The following NRSN1 variants were observed in gnomAD, a reference collection of about 807,000 sequenced individuals.
The protein encoded by NRSN1 is neurensin-1.
A neutral mutation model predicts 17.3 loss-of-function variants in NRSN1; 14 were observed. That is an observed-to-expected ratio of 0.81 (90% CI 0.54 to 1.27). The LOEUF (loss-of-function observed/expected upper bound fraction) is 1.27, where lower values mean the gene tolerates loss of function less well. NRSN1 is among the 50% of genes most tolerant of loss of function. The pLI, the probability that NRSN1 is intolerant of heterozygous loss-of-function variation, is 0.00. For missense variants in NRSN1, 209 were observed against 235.9 expected (o/e 0.89, Z 0.75); for synonymous variants, 79 against 94.2 (o/e 0.84, Z 0.93).
chr6:24,141,362 C>T (rs1056430695), intron 3 of NRSN1: 4 of 710,374 alleles, frequency 5.6e-6, no homozygotes, highest in Non-Finnish European at 7.6e-6. Flanking sequence ...TGAGTCCCAA[C>T]TGCTCTCCTC....
chr6:24,143,788 C>A (rs1760258501), intron 3 of NRSN1, among the ~76,000 whole-genome samples: 1 of 152,150 alleles, frequency 6.6e-6, no homozygotes, highest in East Asian at 1.9e-4. Flanking sequence ...TTGCCAGATA[C>A]AATGTATAAC....
rs1014366490 is a variant in NRSN1 at position 24,140,804 on chromosome 6, T to C, written c.190-4744T>C. ...GCATTTTCAGGCCTCATCAGCTCACTGGGAAACAATGAAAGGATGTTGGTC... is the reference window on the plus strand; with the variant it reads ...GCATTTTCAGGCCTCATCAGCTCACCGGGAAACAATGAAAGGATGTTGGTC... On this transcript the variant is annotated intron_variant, in intron 3 of 3. Transcript: ENST00000378491. 13 of 1,245,088 alleles carry C rather than the reference T, an allele frequency of 1.0e-5. No individual in the cohort carries two copies. In the African/African-American group the frequency reaches 1.7e-4, roughly 16 times the overall value. The allele number at this position is 1,245,088 out of a possible 1,614,324, so 77.1% of individuals were successfully genotyped here.
intron 3 of NRSN1, among the ~76,000 whole-genome samples, chr6:24,142,949 C>A (rs1760239517): frequency 6.6e-6 from 1 of 152,104 alleles, no homozygotes; most frequent in Non-Finnish European, 1.5e-5. Context: ...TTACAGAATG[C>A]TGATTGGTCC....
chr6:24,140,733 A>G (rs1760190434), intron 3 of NRSN1, among the ~76,000 whole-genome samples: 1 of 152,168 alleles, frequency 6.6e-6, no homozygotes, highest in African/African-American at 2.4e-5. Flanking sequence ...CTCTGCCAGA[A>G]CAGCTGCGCC....
intron 3 of NRSN1, chr6:24,140,788 G>A (rs1760191404): frequency 4.2e-6 from 5 of 1,177,472 alleles, no homozygotes; most frequent in Non-Finnish European, 5.4e-6. Flanking sequence ...TGCATTTTCA[G>A]GCCTCATCAG....
intron 3 of NRSN1, chr6:24,141,374 C>A: frequency 1.7e-6 from 1 of 573,394 alleles, no homozygotes; most frequent in Non-Finnish European, 2.5e-6. Context: ...GCTCTCCTCA[C>A]CTCCCATATG....
At chr6:24,137,457 A>G (rs1020051376) in intron 3 of NRSN1, among the ~76,000 whole-genome samples, 1 of 152,168 alleles carries the variant, frequency 6.6e-6, no homozygotes, top group Non-Finnish European at 1.5e-5. Context: ...TGAATAAGAT[A>G]TAGCCCTTGA....
At chr6:24,136,721 T>G (rs985331693) in intron 3 of NRSN1, among the ~76,000 whole-genome samples, 12 of 152,238 alleles carry the variant, frequency 7.9e-5, no homozygotes, top group African/African-American at 2.9e-4. Context: ...TAACTCACAG[T>G]GAATTACCAA....
intron 2 of NRSN1, among the ~76,000 whole-genome samples, chr6:24,130,418 A>C (rs1738076448): frequency 6.6e-6 from 1 of 152,188 alleles, no homozygotes; most frequent in Non-Finnish European, 1.5e-5. Flanking sequence ...TGGGGACAAA[A>C]AGTTACTGAC....
chr6:24,131,010 G>A (rs1197659617), intron 2 of NRSN1, among the ~76,000 whole-genome samples: 3 of 152,110 alleles, frequency 2.0e-5, no homozygotes, highest in Admixed American at 6.5e-5. Context: ...TCTCTGCCCC[G>A]TTTAGGTAGC....
intron 2 of NRSN1, among the ~76,000 whole-genome samples, chr6:24,130,150 T>A (rs1247501148): frequency 1.3e-5 from 2 of 152,240 alleles, no homozygotes; most frequent in Non-Finnish European, 2.9e-5. Context: ...ATCATAGATT[T>A]AACCTTTTTG....
intron 2 of NRSN1, among the ~76,000 whole-genome samples, chr6:24,130,837 CA>C (rs1055546044): frequency 2.5e-4 from 38 of 151,862 alleles, no homozygotes; most frequent in African/African-American, 8.9e-4. Context: ...TCCGTACAGA[CA>C]AAAAAAATCC....
chr6:24,131,622 A>C (rs547130739), intron 2 of NRSN1, among the ~76,000 whole-genome samples: 2 of 152,234 alleles, frequency 1.3e-5, no homozygotes, highest in South Asian at 4.1e-4. Flanking sequence ...TCAGTTTCCT[A>C]GTTGACAAAG....
In NRSN1 at chr6:24,134,377, C is replaced by A; in HGVS notation, c.50C>A (p.Ala17Asp). 1.2e-6 allele frequency: 2 copies of A among 1,614,134 alleles called. No homozygotes were observed. The change falls in exon 3 of 4, where the codon GCT becomes GAT. Residue 17 changes from alanine to aspartate, a missense_variant. Transcript: ENST00000378491. The stretch of plus-strand genomic sequence containing the variant: ...GGGTCCAGGCAGGCACAGGCTGCAG[C>A]TGAGGGTGGTTACCAGCGCTATGGA... Reference protein sequence around the residue: ...VCGSRQAQAAAEGGYQRYGVR... With the variant: ...VCGSRQAQAADEGGYQRYGVR...
chr6:24,132,636 A>G (rs1760053398), intron 2 of NRSN1, among the ~76,000 whole-genome samples: 1 of 152,240 alleles, frequency 6.6e-6, no homozygotes, highest in Non-Finnish European at 1.5e-5. Flanking sequence ...TATATTGTGG[A>G]CTAAAGAGTT....
chr6:24,132,382 C>T (rs140631121), intron 2 of NRSN1, among the ~76,000 whole-genome samples: 2 of 152,174 alleles, frequency 1.3e-5, no homozygotes, highest in African/African-American at 4.8e-5. Flanking sequence ...ACATTACTAG[C>T]TGGTTGCTTG....
intron 3 of NRSN1, among the ~76,000 whole-genome samples, chr6:24,136,343 T>C (rs747734050): frequency 6.6e-6 from 1 of 152,246 alleles, no homozygotes; most frequent in Admixed American, 6.5e-5. Context: ...GTTGTTAACA[T>C]GGATAACCCA....
chr6:24,135,632 T>C (rs751693170), intron 3 of NRSN1, among the ~76,000 whole-genome samples: 6 of 152,140 alleles, frequency 3.9e-5, no homozygotes, highest in Non-Finnish European at 5.9e-5. Flanking sequence ...TTAGTGGAGA[T>C]GGTGAAAAGT....
At chr6:24,139,043 G>A (rs77335566) in intron 3 of NRSN1, among the ~76,000 whole-genome samples, 3,030 of 152,208 alleles carry the variant, frequency 0.02, 91 homozygotes, top group African/African-American at 0.07. Flanking sequence ...TAGTCACCAT[G>A]TTGTACAATA....
Sources: gnomAD v4.1 joint callset for allele counts (sites outside exome capture counted in the v4.1 genomes callset) on GRCh38, gnomAD v4.1.1 for gene constraint, MANE v1.5 for transcripts, NCBI Gene and HGNC (gene_info 2026-07-23, HGNC 2026-07-21) for gene names.